Variants in FGGY observed in about 807,000 individuals in gnomAD.
FGGY encodes FGGY carbohydrate kinase domain containing, also known as FGGY carbohydrate kinase domain-containing protein.
FGGY carries 72 observed loss-of-function variants against 71.3 expected under a neutral mutation model. The observed-to-expected ratio is 1.01, with a 90% CI of 0.84 to 1.23. The LOEUF (loss-of-function observed/expected upper bound fraction) is 1.23, where lower values mean the gene tolerates loss of function less well. Among genes scored for constraint, FGGY ranks in the 50% most tolerant of loss-of-function variants. The pLI is 0.00. For synonymous variants in FGGY, 251 were observed against 250.3 expected (o/e 1.00, Z -0.02); for missense variants, 668 against 682.3 (o/e 0.98, Z 0.23).
chr1:59,389,582 T>G (rs919400126), intron 5 of FGGY, among the ~76,000 whole-genome samples: 2 of 152,170 alleles, frequency 1.3e-5, no homozygotes, highest in African/African-American at 4.8e-5. Flanking sequence ...TGCTTTTAGT[T>G]CTTTTTGGTG....
chr1:59,420,753 G>T (rs61789973), intron 5 of FGGY, among the ~76,000 whole-genome samples: 26,170 of 151,822 alleles, frequency 0.17, 2,761 homozygotes, highest in East Asian at 0.36. Flanking sequence ...ATATTATATT[G>T]CTGAGATCTC....
chr1:59,757,177 A>G (rs1204996079), intron 14 of FGGY, among the ~76,000 whole-genome samples: 4 of 152,190 alleles, frequency 2.6e-5, no homozygotes, highest in Non-Finnish European at 5.9e-5. Flanking sequence ...GTTGGACTCC[A>G]AAGTTTACTT....
intron 6 of FGGY, among the ~76,000 whole-genome samples, chr1:59,480,278 C>T (rs1445466427): frequency 6.6e-6 from 1 of 152,178 alleles, no homozygotes; most frequent in Non-Finnish European, 1.5e-5. Context: ...TCTGGCACCA[C>T]TGTTTTCATT....
chr1:59,315,781 A>C (rs941733688), intron 1 of FGGY: 2 of 152,234 alleles, frequency 1.3e-5, no homozygotes, highest in East Asian at 3.8e-4. Context: ...TACAGACTCT[A>C]AAAGTTTGGG....
chr1:59,730,520 A>T lies in FGGY; in HGVS notation c.1513-27411A>T, dbSNP rs188154988. On this transcript the variant is annotated intron_variant, in intron 14 of 15. Coordinates refer to ENST00000303721, the MANE Select transcript of FGGY (RefSeq NM_018291.5). ...CACCTGACTCAAAGTAAGCGGGCCA[A>T]TAAATAGTTGCTAATAGACTAATTA... Among the ~76,000 whole-genome samples, 293 of 152,320 alleles carry T rather than the reference A, an allele frequency of 1.9e-3. 3 individuals are homozygous for T. Among genetic ancestry groups the T allele is most frequent in the African/African-American group, 6.8e-3 (282 of 41,566 alleles).
rs79455346 is a variant in FGGY at position 59,457,991 on chromosome 1, G to C, written c.670+915G>C. Reference sequence around the variant, plus strand: ...ACTACTGACAAAAGCACTGTTGCATGTTTACAGATGAGAATCAGAGAGATT... The same window carrying C: ...ACTACTGACAAAAGCACTGTTGCATCTTTACAGATGAGAATCAGAGAGATT... On this transcript the variant is annotated intron_variant, in intron 6 of 15. Coordinates refer to ENST00000303721, the MANE Select transcript of FGGY (RefSeq NM_018291.5). 3.3e-3 allele frequency among the ~76,000 whole-genome samples: 497 copies of C among 152,262 alleles called. 4 individuals carry two copies. Among genetic ancestry groups the C allele is most frequent in the African/African-American group, 0.011 (477 of 41,542 alleles).
At chr1:59,609,427 G>T (rs1441772073) in intron 9 of FGGY, among the ~76,000 whole-genome samples, 1 of 152,196 alleles carries the variant, frequency 6.6e-6, no homozygotes, top group East Asian at 1.9e-4. Flanking sequence ...ATGGCCAGAG[G>T]CAGGGAGACT....
intron 11 of FGGY, among the ~76,000 whole-genome samples, chr1:59,644,538 C>G (rs1035106486): frequency 2.0e-5 from 3 of 152,116 alleles, no homozygotes; most frequent in East Asian, 1.9e-4. Flanking sequence ...TTAAAAGAAG[C>G]AGAATCTTAA....
chr1:59,460,615 A>G (rs1402443495), intron 6 of FGGY, among the ~76,000 whole-genome samples: 1 of 151,958 alleles, frequency 6.6e-6, no homozygotes, highest in Non-Finnish European at 1.5e-5. Flanking sequence ...TGGGTCCCTC[A>G]CCCCCGTGTA....
intron 14 of FGGY, chr1:59,755,972 G>C (rs1016042881): frequency 6.6e-6 from 1 of 152,248 alleles, no homozygotes; most frequent in Non-Finnish European, 1.5e-5. Flanking sequence ...GAGTGGCACG[G>C]TTGATGATGG....
chr1:59,541,878 T>A (rs1570990095), intron 7 of FGGY, among the ~76,000 whole-genome samples: 1 of 152,216 alleles, frequency 6.6e-6, no homozygotes, highest in African/African-American at 2.4e-5. Flanking sequence ...CATGTGTCAG[T>A]TACTGAACGT....
In FGGY at chr1:59,475,775, T is replaced by C. The variant is rs1558057663; in HGVS notation, c.670+18699T>C. On this transcript the variant is annotated intron_variant, in intron 6 of 15. Coordinates refer to ENST00000303721, the MANE Select transcript of FGGY (RefSeq NM_018291.5). ...AGTTCAAAGTAGTTTTATTTCTTGC[T>C]GGATTTGTGTGCTAGCCTCTTAAAT... Among the ~76,000 whole-genome samples, 4 of 152,254 alleles carry C rather than the reference T, an allele frequency of 2.6e-5. No homozygotes were observed. The South Asian group carries it at 8.3e-4, about 32-fold the overall frequency.
At chr1:59,532,153 C>G (rs1445443579) in intron 7 of FGGY, among the ~76,000 whole-genome samples, 1 of 152,078 alleles carries the variant, frequency 6.6e-6, no homozygotes, top group East Asian at 1.9e-4. Flanking sequence ...CAGCAGAGAT[C>G]TGGGAAGTAG....
rs1334229590 is a variant in FGGY, at chr1:59,660,223, C to A, written c.1226C>A (p.Thr409Asn). ...LADLTLKGMV[T>N]GLKLSQDLDD... ...TTCTTCCCTTCATGCCTGCAGGTCA[C>A]CGGATTGAAACTGTCTCAGGACCTT... Residue 409 changes from threonine (T) to asparagine (N), a missense_variant, in exon 12 of 16, where the codon ACC becomes AAC. Physicochemically the swap from Thr to Asn is moderately conservative, Grantham distance 65. Around this residue, in one of 2 missense-constraint regions of FGGY, gnomAD observed 661 missense variants for 661.6 expected, o/e 1.00. Transcript: ENST00000303721. The A allele has an allele frequency of 6.2e-7, 1 of 1,613,332 alleles. No homozygotes were observed. The highest frequency in any genetic ancestry group is 1.7e-5 in the Admixed American group (1 of 60,006).
intron 6 of FGGY, among the ~76,000 whole-genome samples, chr1:59,498,738 G>A (rs892345192): frequency 5.9e-5 from 9 of 152,162 alleles, no homozygotes; most frequent in South Asian, 4.1e-4. Flanking sequence ...ACTGGGTGAC[G>A]TAGATAGAAC....
intron 10 of FGGY, among the ~76,000 whole-genome samples, chr1:59,632,554 A>G (rs2096917775): frequency 6.6e-6 from 1 of 152,192 alleles, no homozygotes; most frequent in African/African-American, 2.4e-5. Flanking sequence ...CTTCCCATTA[A>G]AGGCTGTACA....
At chr1:59,612,917 T>G (rs1241883495) in intron 9 of FGGY, among the ~76,000 whole-genome samples, 1 of 151,978 alleles carries the variant, frequency 6.6e-6, no homozygotes, top group African/African-American at 2.4e-5. Flanking sequence ...TACATAATGG[T>G]AAAGGGATCA....
intron 10 of FGGY, among the ~76,000 whole-genome samples, chr1:59,627,454 T>TTA (rs60500862): frequency 0.046 from 4,473 of 96,978 alleles, 82 homozygotes; most frequent in Non-Finnish European, 0.062. Flanking sequence ...ACTTATGATT[T>TTA]TATATATATA....
intron 5 of FGGY, among the ~76,000 whole-genome samples, chr1:59,402,388 G>C (rs985487294): frequency 1.3e-5 from 2 of 152,190 alleles, no homozygotes; most frequent in African/African-American, 4.8e-5. Context: ...AGGACCAAGA[G>C]TGGGCTACAT....
Sources: allele counts gnomAD v4.1 joint callset (sites outside exome capture counted in the v4.1 genomes callset), GRCh38; gene constraint gnomAD v4.1.1; regional missense constraint gnomAD v4.1.1; transcripts MANE v1.5; gene names NCBI Gene and HGNC (gene_info 2026-07-23, HGNC 2026-07-21).